The following FAM149B1 variants were observed in gnomAD, a reference collection of about 807,000 sequenced individuals.
The protein encoded by FAM149B1 is family with sequence similarity 149 member B1, also known as primary cilium assembly protein FAM149B1.
Under a neutral mutation model 75.3 loss-of-function variants are expected in FAM149B1, and 56 were observed. The observed-to-expected ratio is 0.74, with a 90% CI of 0.60 to 0.93. The LOEUF is 0.93. Ranked by LOEUF, FAM149B1 falls within the 40% of genes least tolerant of loss-of-function variation. The probability of loss-of-function intolerance (pLI) is 0.00; values close to 1 mark genes in which losing one functional copy is unlikely to be tolerated. For missense variants in FAM149B1, 639 were observed against 708.4 expected (o/e 0.90, Z 1.11); for synonymous variants, 259 against 256.1 (o/e 1.01, Z -0.11).
At chr10:73,171,737 T>A (rs1235190193) in intron 1 of FAM149B1, among the ~76,000 whole-genome samples, 1 of 151,922 alleles carries the variant, frequency 6.6e-6, no homozygotes, top group Non-Finnish European at 1.5e-5. Context: ...CACGCCATTC[T>A]TCTGCCTCAG....
At chr10:73,238,199 T>G (rs1224068575) in intron 12 of FAM149B1, among the ~76,000 whole-genome samples, 1 of 151,842 alleles carries the variant, frequency 6.6e-6, no homozygotes, top group Non-Finnish European at 1.5e-5. Context: ...ACAAGAAAAT[T>G]AGCCAGGCAT....
At position 73,239,369 on chromosome 10, in the gene FAM149B1, G is replaced by A; in HGVS notation, c.1660G>A (p.Gly554Ser). 2 of 1,551,536 alleles carry A rather than the reference G, an allele frequency of 1.3e-6. No homozygotes were observed. Among genetic ancestry groups the A allele is most frequent in the Non-Finnish European group, 1.7e-6 (2 of 1,146,896 alleles). ...AVEYPHQARPGRGSAGPQLHG... is the reference protein window; with the variant it reads ...AVEYPHQARPSRGSAGPQLHG... ...TGAGTATCCTCATCAGGCCCGACCT[G>A]GCAGGGGATCTGCAGGTAAAGGTGG... Residue 554 changes from glycine (G) to serine (S), a missense_variant, in exon 13 of 14, where the codon GGC (glycine) becomes AGC (serine). Physicochemically the swap from Gly to Ser is moderately conservative, Grantham distance 56 (BLOSUM62 0). Coordinates refer to ENST00000242505, the MANE Select transcript of FAM149B1 (RefSeq NM_173348.2).
At chr10:73,226,515 T>C (rs2043554694) in intron 7 of FAM149B1, among the ~76,000 whole-genome samples, 1 of 152,098 alleles carries the variant, frequency 6.6e-6, no homozygotes, top group African/African-American at 2.4e-5. Flanking sequence ...AAAAAAAAGA[T>C]ACAGACTTTG....
chr10:73,194,299 A>C (rs1369685068), intron 5 of FAM149B1, among the ~76,000 whole-genome samples: 1 of 152,184 alleles, frequency 6.6e-6, no homozygotes, highest in African/African-American at 2.4e-5. Context: ...CTTGGCATAA[A>C]TGTGTAAATA....
At chr10:73,235,354 T>G in intron 12 of FAM149B1, 36 bp downstream of exon 12, 1 of 1,549,644 alleles carries the variant, frequency 6.5e-7, no homozygotes, top group Non-Finnish European at 8.7e-7. Flanking sequence ...GTCTTGATAG[T>G]TGGGGAAAGA....
chr10:73,233,133 C>T lies in FAM149B1; in HGVS notation c.1322C>T (p.Ser441Phe), dbSNP rs1253801118. The T allele has an allele frequency of 1.5e-5, 24 of 1,551,614 alleles. 3 individuals carry two copies. In the South Asian group the frequency reaches 1.9e-4, roughly 12 times the overall value. Residue 441 changes from serine (S) to phenylalanine (F), a missense_variant, in exon 10 of 14, where the codon TCT becomes TTT. Transcript: ENST00000242505. ...CATTCATGTGCTGAAACACCAAGAT[C>T]TGTGGAAGAAATCCTCAGAGGAGCC... ...TSHSCAETPRSVEEILRGARV... is the reference protein window; with the variant it reads ...TSHSCAETPRFVEEILRGARV...
chr10:73,236,716 TTTTC>T (rs1472900292), intron 12 of FAM149B1, among the ~76,000 whole-genome samples: 13 of 147,670 alleles, frequency 8.8e-5, no homozygotes, highest in African/African-American at 3.0e-4. Flanking sequence ...CCGGCCTTTT[TTTTC>T]TTTTCTTTTT....
chr10:73,205,407 A>G (rs896640131), intron 5 of FAM149B1, among the ~76,000 whole-genome samples: 6 of 152,172 alleles, frequency 3.9e-5, no homozygotes, highest in Middle Eastern at 6.8e-3. Flanking sequence ...ACTTTTTACC[A>G]TAAGTTAAAG....
chr10:73,194,347 CTT>C (rs2042749237), intron 5 of FAM149B1, among the ~76,000 whole-genome samples: 1 of 151,820 alleles, frequency 6.6e-6, no homozygotes, highest in African/African-American at 2.4e-5. Context: ...AAGAAAAAGA[CTT>C]TAAAACTTTT....
intron 10 of FAM149B1, 60 bp from the exon 11 acceptor site, chr10:73,234,757 T>C: frequency 6.6e-7 from 1 of 1,521,764 alleles, no homozygotes; most frequent in South Asian, 1.2e-5. Context: ...CTAATCAATT[T>C]GCTGGTATTG....
chr10:73,239,187 T>G, intron 12 of FAM149B1, 125 bp from the exon 13 acceptor site: 2 of 719,198 alleles, frequency 2.8e-6, no homozygotes, highest in Non-Finnish European at 4.6e-6. Context: ...AGCTGACTTT[T>G]CCCTCAAGTT....
At chr10:73,200,850 A>G in intron 5 of FAM149B1, 1 of 511,278 alleles carries the variant, frequency 2.0e-6, no homozygotes, top group Middle Eastern at 5.7e-4. Context: ...TTCTCAATAC[A>G]AGGTGCAAGG....
chr10:73,200,460 T>C (rs1006128723), intron 5 of FAM149B1: 34 of 618,692 alleles, frequency 5.5e-5, no homozygotes, highest in Non-Finnish European at 9.8e-5. Flanking sequence ...AACTGCAGGC[T>C]GAAGTACCAC....
chr10:73,169,321 G>A (rs1564672730), intron 1 of FAM149B1, among the ~76,000 whole-genome samples: 5 of 151,954 alleles, frequency 3.3e-5, no homozygotes, highest in Middle Eastern at 3.4e-3. Context: ...GTGAAACTCC[G>A]TCTCAAAATA....
At chr10:73,226,171 A>G (rs2133392398) in intron 7 of FAM149B1, among the ~76,000 whole-genome samples, 1 of 151,568 alleles carries the variant, frequency 6.6e-6, no homozygotes, top group African/African-American at 2.4e-5. Flanking sequence ...CCTGCTCTAC[A>G]ATGTGATCCC....
chr10:73,209,959 A>C (rs1436326531), intron 6 of FAM149B1, among the ~76,000 whole-genome samples: 3 of 152,074 alleles, frequency 2.0e-5, no homozygotes, highest in Non-Finnish European at 4.4e-5. Flanking sequence ...TCATGTGCAC[A>C]CAGCCCTAGG....
rs950565376 is a variant in FAM149B1 at position 73,230,675 on chromosome 10, CA to C, written c.1127+151del. ...AACATCCAAGGGACATGGTCTCCAC[CA>C]TCAGGGGGCTGATAATGTAACTGGA... is the stretch of plus-strand genomic sequence containing the variant. On this transcript the variant is annotated intron_variant, in intron 9 of 13. Coordinates refer to ENST00000242505, the MANE Select transcript of FAM149B1 (RefSeq NM_173348.2). 1.2e-5 allele frequency: 7 copies of C among 570,862 alleles called. No homozygotes were observed. In the Admixed American group the frequency reaches 1.8e-4, roughly 14 times the overall value. The allele number at this position is 570,862 out of a possible 1,614,324, so 35.4% of individuals were successfully genotyped here. A position where few individuals can be genotyped will look rare whatever the true frequency, so the allele number is the denominator to read the frequency against.
chr10:73,188,461 T>C (rs541661684), intron 3 of FAM149B1, among the ~76,000 whole-genome samples: 1 of 152,256 alleles, frequency 6.6e-6, no homozygotes, highest in East Asian at 1.9e-4. Context: ...TGGATAAATT[T>C]AACTCCTTCA....
intron 3 of FAM149B1, among the ~76,000 whole-genome samples, chr10:73,180,861 G>GT (rs1321344764): frequency 2.6e-5 from 4 of 151,372 alleles, no homozygotes; most frequent in South Asian, 2.1e-4. Context: ...CATTCTTTCT[G>GT]TTTTTTTTGT....
Sources: gnomAD v4.1 joint callset for allele counts (sites outside exome capture counted in the v4.1 genomes callset) on GRCh38, gnomAD v4.1.1 for gene constraint, MANE v1.5 for transcripts, NCBI Gene and HGNC (gene_info 2026-07-23, HGNC 2026-07-21) for gene names.